QSOX2: variants seen among roughly 807,000 people sequenced by gnomAD.
QSOX2 encodes the protein sulfhydryl oxidase 2.
QSOX2 carries 46 observed loss-of-function variants against 61.7 expected under a neutral mutation model. That is an observed-to-expected ratio of 0.75 (90% CI 0.59 to 0.95). The LOEUF (loss-of-function observed/expected upper bound fraction) is 0.95, where lower values mean the gene tolerates loss of function less well. Ranked by LOEUF, QSOX2 falls within the 40% of genes least tolerant of loss-of-function variation. The probability of loss-of-function intolerance (pLI) is 0.00; values close to 1 mark genes in which losing one functional copy is unlikely to be tolerated. For synonymous variants in QSOX2, 383 were observed against 388.4 expected, an observed-to-expected ratio of 0.99 and a Z score of 0.16; for missense variants, 879 against 918.9, an observed-to-expected ratio of 0.96 and a Z score of 0.56.
chr9:136,211,024 G>A lies in QSOX2; in HGVS notation c.1549+240C>T, dbSNP rs887235980. 3.4e-4 allele frequency: 190 copies of A among 559,978 alleles called. 3 individuals carry two copies. Among genetic ancestry groups the A allele is most frequent in the Admixed American group, 2.5e-4 (4 of 15,732 alleles). 34.7% of individuals were successfully genotyped at this position (559,978 alleles called of 1,614,324 possible). ...AGAAAGAGCCACACCCATTTCCACG[G>A]GGTCGAAGAGCCCCCGGAGTGAGAG... On this transcript the variant is annotated intron_variant, in intron 11 of 11. Coordinates refer to ENST00000358701, the MANE Select transcript of QSOX2 (RefSeq NM_181701.4).
chr9:136,216,748 A>C, intron 8 of QSOX2, 26 bp from the exon 9 acceptor site: 1 of 1,611,838 alleles, frequency 6.2e-7, no homozygotes, highest in Non-Finnish European at 8.5e-7. Flanking sequence ...GCCACCTGAG[A>C]GCTACAGACC....
intron 1 of QSOX2, among the ~76,000 whole-genome samples, chr9:136,233,606 T>A (rs925758807): frequency 1.3e-5 from 2 of 152,226 alleles, no homozygotes; most frequent in African/African-American, 4.8e-5. Context: ...GTCCACAGGC[T>A]GTGTCTGACC....
At position 136,231,902 on chromosome 9, in the gene QSOX2, A is replaced by G. The variant is rs1462167240; in HGVS notation, c.329-5028T>C. Among the ~76,000 whole-genome samples, 20 of 31,002 alleles carry G rather than the reference A, an allele frequency of 6.5e-4. 1 individual carries two copies. In the South Asian group the frequency reaches 0.022, roughly 33 times the overall value. 20.3% of individuals were successfully genotyped at this position (31,002 alleles called of 152,430 possible). A position where few individuals can be genotyped will look rare whatever the true frequency, so the allele number is the denominator to read the frequency against. On this transcript the variant is annotated intron_variant, in intron 1 of 11. Coordinates refer to ENST00000358701, the MANE Select transcript of QSOX2 (RefSeq NM_181701.4). ...CCCCTCCACCCCCTCCACCCTCTCC[A>G]CCCCCTCCACCCCCTCCACCCTCTC...
rs1831847406 is a variant in QSOX2, at chr9:136,211,598, A to T, written c.1361-146T>A. Reference sequence around the variant, plus strand: ...CCCAGGGGCCTCAGGCTGTGGGCACAGACCAGAAGCCAGCACCTGCCAAGA... The same window carrying T: ...CCCAGGGGCCTCAGGCTGTGGGCACTGACCAGAAGCCAGCACCTGCCAAGA... On this transcript the variant is annotated intron_variant, in intron 10 of 11. Coordinates refer to ENST00000358701, the MANE Select transcript of QSOX2 (RefSeq NM_181701.4). The T allele has an allele frequency of 4.1e-6, 3 of 726,060 alleles. No individual in the cohort carries two copies. In the Admixed American group the frequency reaches 8.1e-5, roughly 20 times the overall value. 45.0% of individuals were successfully genotyped at this position (726,060 alleles called of 1,614,324 possible). A position where few individuals can be genotyped will look rare whatever the true frequency, so the allele number is the denominator to read the frequency against.
chr9:136,235,050 C>T (rs191178882), intron 1 of QSOX2, among the ~76,000 whole-genome samples: 15 of 152,362 alleles, frequency 9.8e-5, no homozygotes, highest in Admixed American at 3.9e-4. Flanking sequence ...CTCAGCAGAC[C>T]CTCCTTGCAG....
chr9:136,211,352 A>G lies in QSOX2; in HGVS notation c.1461T>C (p.Ala487=). ...KECGEHFEEM[A]KESMDSVKTP... Reference sequence around the variant, plus strand: ...TTTTCACCGAGTCCATGGATTCTTTAGCCATTTCCTCAAAGTGCTCACCAC... The same window carrying G: ...TTTTCACCGAGTCCATGGATTCTTTGGCCATTTCCTCAAAGTGCTCACCAC... Residue 487 remains alanine (A), a synonymous_variant, in exon 11 of 12, where the codon GCT becomes GCC. Transcript: ENST00000358701. The G allele has an allele frequency of 6.2e-7, 1 of 1,614,190 alleles. No homozygotes were observed. The highest frequency in any genetic ancestry group is 8.5e-7 in the Non-Finnish European group (1 of 1,180,024).
intron 1 of QSOX2, among the ~76,000 whole-genome samples, chr9:136,228,557 AC>A (rs1297421667): frequency 6.6e-6 from 1 of 152,194 alleles, no homozygotes; most frequent in Non-Finnish European, 1.5e-5. Context: ...CTAAAGGGGC[AC>A]CACTGGGTCA....
chr9:136,213,160 A>G (rs1349249694), intron 10 of QSOX2, among the ~76,000 whole-genome samples: 1 of 151,978 alleles, frequency 6.6e-6, no homozygotes, highest in Admixed American at 6.5e-5. Flanking sequence ...ATGGCATGTC[A>G]GCTCATCTCC....
At position 136,224,408 on chromosome 9, in the gene QSOX2, G is replaced by A. The variant is rs575583719; in HGVS notation, c.479-296C>T. On this transcript the variant is annotated intron_variant, in intron 3 of 11. Coordinates refer to ENST00000358701, the MANE Select transcript of QSOX2 (RefSeq NM_181701.4). ...GGCACTGCGAGGAGCAGGCCAGGCG[G>A]CTCCACTGGGTCACTCACAGGCAGA... Among the ~76,000 whole-genome samples the A allele has an allele frequency of 2.6e-5, 4 of 152,318 alleles. No homozygotes were observed. In the South Asian group the frequency reaches 6.2e-4, roughly 24 times the overall value.
chr9:136,211,767 G>A (rs1664670112), intron 10 of QSOX2, among the ~76,000 whole-genome samples: 1 of 152,186 alleles, frequency 6.6e-6, no homozygotes, highest in African/African-American at 2.4e-5. Flanking sequence ...AGCCCTTCCA[G>A]GGGCGCCTCC....
chr9:136,218,378 C>T (rs961172140), intron 8 of QSOX2, among the ~76,000 whole-genome samples: 1 of 152,142 alleles, frequency 6.6e-6, no homozygotes, highest in South Asian at 2.1e-4. Flanking sequence ...TGTGGGCCTC[C>T]GCTCCCTCCT....
At chr9:136,238,379 C>G (rs1271595911) in intron 1 of QSOX2, among the ~76,000 whole-genome samples, 3 of 152,026 alleles carry the variant, frequency 2.0e-5, no homozygotes, top group Non-Finnish European at 4.4e-5. Flanking sequence ...ACATGGCCTT[C>G]GGTAACTTTT....
At chr9:136,214,715 C>T (rs1414842975) in intron 10 of QSOX2, among the ~76,000 whole-genome samples, 4 of 152,162 alleles carry the variant, frequency 2.6e-5, no homozygotes, top group Non-Finnish European at 5.9e-5. Context: ...CATGCCCGGC[C>T]CTCAGAAACC....
intron 11 of QSOX2, chr9:136,211,014 C>T: frequency 1.6e-6 from 1 of 621,970 alleles, no homozygotes; most frequent in Non-Finnish European, 2.0e-6. Context: ...GAGCCACACC[C>T]ATTTCCACGG....
Position 136,215,143 on chromosome 9 carries a change from G to C in QSOX2, c.1360+11C>G, listed in dbSNP as rs767982961. On this transcript the variant is annotated intron_variant, in intron 10 of 11. Transcript: ENST00000358701. Reference sequence around the variant, plus strand: ...CCATCGGCCCCTCTGGCCTGTATGGGCACAGCTTACCTGTGCCAACCAGTG... The same window carrying C: ...CCATCGGCCCCTCTGGCCTGTATGGCCACAGCTTACCTGTGCCAACCAGTG... The C allele has an allele frequency of 1.2e-6, 2 of 1,612,436 alleles. No individual in the cohort carries two copies. The highest frequency in any genetic ancestry group is 2.2e-5 in the South Asian group (2 of 90,744).
chr9:136,212,696 C>G (rs561728358), intron 10 of QSOX2, among the ~76,000 whole-genome samples: 1 of 152,358 alleles, frequency 6.6e-6, no homozygotes, highest in South Asian at 2.1e-4. Context: ...TCCACGTAAT[C>G]CCCCTCCTCT....
chr9:136,213,138 A>C (rs1831867933), intron 10 of QSOX2, among the ~76,000 whole-genome samples: 2 of 152,010 alleles, frequency 1.3e-5, no homozygotes, highest in African/African-American at 2.4e-5. Context: ...ATCAGAGCAG[A>C]CGGAAAGGGG....
At chr9:136,220,509 C>T (rs1831967670) in intron 6 of QSOX2, among the ~76,000 whole-genome samples, 1 of 152,168 alleles carries the variant, frequency 6.6e-6, no homozygotes, top group African/African-American at 2.4e-5. Context: ...CACCAAGAGC[C>T]GCAGAGTCAA....
At position 136,223,984 on chromosome 9, in the gene QSOX2, G is replaced by T. The variant is rs772756277; in HGVS notation, c.584+23C>A. 1.2e-6 allele frequency: 2 copies of T among 1,600,304 alleles called. No homozygotes were observed. The highest frequency in any genetic ancestry group is 1.7e-5 in the Admixed American group (1 of 59,846). On this transcript the variant is annotated intron_variant, in intron 4 of 11. Transcript: ENST00000358701. This position sits in a 1 kb window ranked among gnomAD's most constrained non-coding sequence, Gnocchi z 4.4. ...ACAGTTCAACACGAGTCTAACGGCC[G>T]CCTTCTTCATGGAGCTACTCACTGA...
Sources: allele counts gnomAD v4.1 joint callset (sites outside exome capture counted in the v4.1 genomes callset), GRCh38; gene constraint gnomAD v4.1.1; non-coding constraint Gnocchi (gnomAD v3.1); transcripts MANE v1.5; gene names NCBI Gene and HGNC (gene_info 2026-07-23, HGNC 2026-07-21).